The following RGS7 variants were observed in gnomAD, a reference collection of about 807,000 sequenced individuals.
The protein encoded by RGS7 is regulator of G-protein signaling 7.
Under a neutral mutation model 81.1 loss-of-function variants are expected in RGS7, and 27 were observed. That is an observed-to-expected ratio of 0.33 (90% confidence interval 0.25 to 0.46). The LOEUF (loss-of-function observed/expected upper bound fraction) is 0.46. RGS7 is among the 20% of genes least tolerant of loss of function. The pLI is 1.00. For synonymous variants in RGS7, 208 were observed against 207.7 expected, an observed-to-expected ratio of 1.00 and a Z score of -0.01; for missense variants, 396 against 607.4, an observed-to-expected ratio of 0.65 and a Z score of 3.66.
chr1:240,844,923 C>T (rs953534844), intron 9 of RGS7, among the ~76,000 whole-genome samples: 1 of 152,210 alleles, frequency 6.6e-6, no homozygotes, highest in Non-Finnish European at 1.5e-5. Context: ...AAAGCTTGCA[C>T]AGTTCCTATT....
At chr1:240,964,188 G>A (rs1327792179) in intron 4 of RGS7, among the ~76,000 whole-genome samples, 1 of 152,138 alleles carries the variant, frequency 6.6e-6, no homozygotes, top group Admixed American at 6.5e-5. Context: ...TTTCCTCCTT[G>A]CTTTCTATTT....
At chr1:241,347,943 T>C (rs1201905818) in intron 2 of RGS7, among the ~76,000 whole-genome samples, 1 of 152,264 alleles carries the variant, frequency 6.6e-6, no homozygotes, top group Non-Finnish European at 1.5e-5. Flanking sequence ...TTTTAAGCAC[T>C]GTATGCAACT....
rs1432006795 is a variant in RGS7 at position 241,192,159 on chromosome 1, G to GGTATGTGTGTGTGTGTGT, written c.79-93398_79-93397insACACACACACACACATAC. Among the ~76,000 whole-genome samples, 8 of 122,010 alleles carry GGTATGTGTGTGTGTGTGT rather than the reference G, an allele frequency of 6.6e-5. No homozygotes were observed. The East Asian group carries it at 1.7e-3, about 27-fold the overall frequency. 80.0% of individuals were successfully genotyped at this position (122,010 alleles called of 152,430 possible). On this transcript the variant is annotated intron_variant, in intron 2 of 18. Coordinates refer to ENST00000440928, the MANE Select transcript of RGS7 (RefSeq NM_001364886.1). ...CCTGATCATTTGGCTAGAGAAAACA[G>GGTATGTGTGTGTGTGTGT]GTGTGTGTGTGTGTGTGTGTGTGTG... is the stretch of plus-strand genomic sequence containing the variant.
chr1:240,794,441 G>A (rs1290148201), intron 18 of RGS7, among the ~76,000 whole-genome samples: 3 of 152,160 alleles, frequency 2.0e-5, no homozygotes, highest in East Asian at 1.9e-4. Context: ...TAGCAGATGC[G>A]TGGATCCCAG....
chr1:241,283,029 A>T (rs137892827), intron 2 of RGS7, among the ~76,000 whole-genome samples: 103 of 152,264 alleles, frequency 6.8e-4, no homozygotes, highest in African/African-American at 2.3e-3. Context: ...TCATTTTACC[A>T]GTTTGAGTGA....
At chr1:240,892,317 C>T (rs1288919773) in intron 6 of RGS7, among the ~76,000 whole-genome samples, 2 of 152,078 alleles carry the variant, frequency 1.3e-5, no homozygotes, top group Non-Finnish European at 2.9e-5. Context: ...TGACATCTTA[C>T]AATTATGTCC....
intron 2 of RGS7, among the ~76,000 whole-genome samples, chr1:241,198,142 T>C (rs2073223055): frequency 6.6e-6 from 1 of 151,974 alleles, no homozygotes. Context: ...AAGAGAAATT[T>C]AAAAATAGTT....
At chr1:240,884,075 C>A (rs12039377) in intron 6 of RGS7, among the ~76,000 whole-genome samples, 2 of 66,484 alleles carry the variant, frequency 3.0e-5, no homozygotes, top group East Asian at 9.2e-4. Context: ...AAAACTCCAT[C>A]TCAAAAAAAA....
chr1:241,347,717 G>A (rs1573786777), intron 2 of RGS7, among the ~76,000 whole-genome samples: 2 of 152,078 alleles, frequency 1.3e-5, no homozygotes, highest in Middle Eastern at 6.8e-3. Flanking sequence ...TTGTCTTACT[G>A]AAAGACAACC....
chr1:241,135,847 A>G (rs1296275855), intron 2 of RGS7, among the ~76,000 whole-genome samples: 1 of 151,342 alleles, frequency 6.6e-6, no homozygotes, highest in African/African-American at 2.4e-5. Context: ...ATCTCAGCTC[A>G]CCACAACCTC....
chr1:240,959,967 CT>C (rs1378000262), intron 4 of RGS7, among the ~76,000 whole-genome samples: 2 of 151,956 alleles, frequency 1.3e-5, no homozygotes, highest in East Asian at 1.9e-4. Flanking sequence ...TGAGACCAGC[CT>C]GGCCAACATG....
intron 2 of RGS7, among the ~76,000 whole-genome samples, chr1:241,203,797 G>A (rs142231473): frequency 1.6e-4 from 24 of 151,992 alleles, no homozygotes; most frequent in East Asian, 5.8e-4. Context: ...TCATTTATTC[G>A]TTCGTTCATG....
At chr1:240,933,284 C>T (rs190027830) in intron 5 of RGS7, among the ~76,000 whole-genome samples, 5 of 151,944 alleles carry the variant, frequency 3.3e-5, no homozygotes, top group East Asian at 1.9e-4. Context: ...TGTGTGCAGG[C>T]ATATCTATTT....
intron 9 of RGS7, among the ~76,000 whole-genome samples, chr1:240,834,762 C>T (rs1471960428): frequency 1.6e-4 from 25 of 152,296 alleles, no homozygotes; most frequent in Admixed American, 1.0e-3. Flanking sequence ...CCGCCCGCCT[C>T]GGCCTCCCAA....
chr1:240,793,604 TATATA>T (rs1234410531), intron 18 of RGS7, among the ~76,000 whole-genome samples: 18 of 94,492 alleles, frequency 1.9e-4, no homozygotes, highest in South Asian at 6.2e-4. Flanking sequence ...TATATATATA[TATATA>T]TATTTTTTTT....
chr1:240,882,144 A>G (rs1356117409), intron 6 of RGS7, among the ~76,000 whole-genome samples: 1 of 152,146 alleles, frequency 6.6e-6, no homozygotes, highest in Non-Finnish European at 1.5e-5. Context: ...TGAACCCCTG[A>G]GCACAAGTGA....
chr1:241,264,182 C>A (rs540872064), intron 2 of RGS7, among the ~76,000 whole-genome samples: 1 of 152,248 alleles, frequency 6.6e-6, no homozygotes, highest in Admixed American at 6.5e-5. Flanking sequence ...AAATTTCTCA[C>A]AAGAACATAT....
At chr1:240,828,384 T>C (rs1439829000) in intron 9 of RGS7, among the ~76,000 whole-genome samples, 3 of 152,196 alleles carry the variant, frequency 2.0e-5, no homozygotes, top group Non-Finnish European at 2.9e-5. Context: ...GTAGCTTAAA[T>C]GTAGAAAGGG....
intron 2 of RGS7, among the ~76,000 whole-genome samples, chr1:241,124,631 C>T (rs1388817333): frequency 6.6e-6 from 1 of 152,162 alleles, no homozygotes; most frequent in Admixed American, 6.5e-5. Flanking sequence ...AGCAGTAATG[C>T]TTTAGAACCA....
Sources: allele counts gnomAD v4.1 joint callset (sites outside exome capture counted in the v4.1 genomes callset), GRCh38; gene constraint gnomAD v4.1.1; transcripts MANE v1.5; gene names NCBI Gene and HGNC (gene_info 2026-07-23, HGNC 2026-07-21).